JPH3: variants seen among roughly 807,000 people sequenced by gnomAD.
JPH3 encodes the protein junctophilin-3.
A neutral mutation model predicts 59.6 loss-of-function variants in JPH3; 11 were observed. That is an observed-to-expected ratio of 0.18 (90% CI 0.12 to 0.31). The LOEUF is 0.31. Among genes scored for constraint, JPH3 ranks in the 10% least tolerant of loss-of-function variants. The pLI is 1.00. For synonymous variants in JPH3, 673 were observed against 483.6 expected, an observed-to-expected ratio of 1.39 and a Z score of -5.14; for missense variants, 1,202 against 1,105.7, an observed-to-expected ratio of 1.09 and a Z score of -1.24.
Position 87,644,456 on chromosome 16 carries a change from G to C in JPH3, c.581G>C (p.Gly194Ala). The change falls in exon 2 of 5, where the codon GGG (glycine) becomes GCG (alanine). Residue 194 changes from glycine (G) to alanine (A), a missense_variant. By Grantham distance (60) the Gly-to-Ala change is moderately conservative (BLOSUM62 0). Coordinates refer to ENST00000284262, the MANE Select transcript of JPH3 (RefSeq NM_020655.4). ...GCCGGCAGCCCGGCCGTGTCCCGCG[G>C]GGGCTTCGTGCTCGTGGCCCACAGT... ...AVAGSPAVSR[G>A]GFVLVAHSDS... 1 of 1,612,664 alleles carries C rather than the reference G, an allele frequency of 6.2e-7. No homozygotes were observed. The highest frequency in any genetic ancestry group is 8.5e-7 in the Non-Finnish European group (1 of 1,179,702).
At chr16:87,604,727 C>T in intron 1 of JPH3, 1 of 1,019,318 alleles carries the variant, frequency 9.8e-7, no homozygotes, top group Non-Finnish European at 1.2e-6. Flanking sequence ...TGGCAGGGGG[C>T]TGGAGAGTAA....
chr16:87,695,281 A>G (rs546960565), intron 4 of JPH3: 46 of 455,758 alleles, frequency 1.0e-4, no homozygotes, highest in South Asian at 7.1e-4. Context: ...TTGAAATTTG[A>G]CCAGAGGCCA....
At chr16:87,621,787 G>C (rs763599591) in intron 1 of JPH3, among the ~76,000 whole-genome samples, 1 of 152,222 alleles carries the variant, frequency 6.6e-6, no homozygotes, top group African/African-American at 2.4e-5. Flanking sequence ...GGAGGGGACA[G>C]TCTAGGGACG....
intron 1 of JPH3, among the ~76,000 whole-genome samples, chr16:87,614,775 CG>C (rs1262950569): frequency 9.1e-6 from 1 of 109,946 alleles, no homozygotes; most frequent in Non-Finnish European, 1.8e-5. Context: ...CCTGCACACA[CG>C]AGGAGCCGCG....
At chr16:87,663,588 C>T (rs1238781729) in intron 2 of JPH3, among the ~76,000 whole-genome samples, 1 of 152,212 alleles carries the variant, frequency 6.6e-6, no homozygotes, top group Non-Finnish European at 1.5e-5. Context: ...CCACTGCCCC[C>T]AGCTGGCCTG....
At chr16:87,642,184 A>G (rs1179274312) in intron 1 of JPH3, among the ~76,000 whole-genome samples, 5 of 145,398 alleles carry the variant, frequency 3.4e-5, no homozygotes, top group African/African-American at 1.3e-4. Context: ...TGAATTCCAC[A>G]CTTAGTTTGG....
chr16:87,634,563 C>T (rs990705201), intron 1 of JPH3, among the ~76,000 whole-genome samples: 3 of 152,242 alleles, frequency 2.0e-5, no homozygotes, highest in Non-Finnish European at 4.4e-5. Flanking sequence ...GCTTCGTCTC[C>T]TCCCAGCCGC....
At position 87,690,480 on chromosome 16, in the gene JPH3, C is replaced by A. The variant is rs1191682967; in HGVS notation, c.2120C>A (p.Ala707Asp). The A allele has an allele frequency of 2.0e-6, 3 of 1,487,882 alleles. No homozygotes were observed. The highest frequency in any genetic ancestry group is 2.7e-6 in the Non-Finnish European group (3 of 1,120,664). The allele number at this position is 1,487,882 out of a possible 1,614,324, so 92.2% of individuals were successfully genotyped here. A position where few individuals can be genotyped will look rare whatever the true frequency, so the allele number is the denominator to read the frequency against. The change falls in exon 4 of 5, where the codon GCT becomes GAT. Residue 707 changes from alanine to aspartate, a missense_variant. By Grantham distance (126) the Ala-to-Asp change is moderately radical. Coordinates refer to ENST00000284262, the MANE Select transcript of JPH3 (RefSeq NM_020655.4). ...FSPPQKSLPV[A>D]LESDEENGDE... ...CCGCCCCAGAAATCCTTGCCTGTCGCTCTAGAGTCCGACGAGGAGAATGGG... is the reference window on the plus strand; with the variant it reads ...CCGCCCCAGAAATCCTTGCCTGTCGATCTAGAGTCCGACGAGGAGAATGGG...
intron 2 of JPH3, among the ~76,000 whole-genome samples, chr16:87,671,252 C>G (rs535717209): frequency 6.6e-6 from 1 of 151,622 alleles, no homozygotes; most frequent in South Asian, 2.1e-4. Flanking sequence ...GCCCCAGAGA[C>G]CAAGCCCCAC....
chr16:87,637,835 T>G (rs947579922), intron 1 of JPH3, among the ~76,000 whole-genome samples: 1 of 151,978 alleles, frequency 6.6e-6, no homozygotes, highest in Non-Finnish European at 1.5e-5. Flanking sequence ...CGAGCTCCAG[T>G]TGGGGGTGTG....
intron 1 of JPH3, among the ~76,000 whole-genome samples, chr16:87,625,148 C>A (rs577814289): frequency 6.6e-6 from 1 of 152,218 alleles, no homozygotes; most frequent in Non-Finnish European, 1.5e-5. Context: ...AGCCAGCACA[C>A]CTGGCCCATG....
At chr16:87,628,677 G>A (rs1186145359) in intron 1 of JPH3, among the ~76,000 whole-genome samples, 1 of 152,222 alleles carries the variant, frequency 6.6e-6, no homozygotes, top group Non-Finnish European at 1.5e-5. Context: ...TCGCGGGGCT[G>A]TGCGAGAATC....
At chr16:87,631,665 C>T (rs1463418826) in intron 1 of JPH3, among the ~76,000 whole-genome samples, 1 of 152,136 alleles carries the variant, frequency 6.6e-6, no homozygotes, top group African/African-American at 2.4e-5. Context: ...TAAATCTTTG[C>T]CCATTTTCCT....
intron 1 of JPH3, among the ~76,000 whole-genome samples, chr16:87,627,181 C>A (rs373395439): frequency 6.6e-6 from 1 of 152,086 alleles, no homozygotes; most frequent in Non-Finnish European, 1.5e-5. Context: ...GCCCTAGAGC[C>A]GTGGCTCAGC....
intron 2 of JPH3, among the ~76,000 whole-genome samples, chr16:87,648,528 C>T (rs554581968): frequency 2.6e-5 from 4 of 152,298 alleles, no homozygotes; most frequent in Admixed American, 2.0e-4. Flanking sequence ...GTGTCCTCCG[C>T]GGAGTGCCGG....
intron 1 of JPH3, among the ~76,000 whole-genome samples, chr16:87,628,711 C>G (rs559385442): frequency 1.3e-5 from 2 of 152,322 alleles, no homozygotes; most frequent in Admixed American, 1.3e-4. Context: ...GTGGAAACCC[C>G]TAGCGTGGCC....
chr16:87,616,053 G>C (rs2030944149), intron 1 of JPH3, among the ~76,000 whole-genome samples: 1 of 152,188 alleles, frequency 6.6e-6, no homozygotes, highest in Non-Finnish European at 1.5e-5. Flanking sequence ...GAGCCCTGTG[G>C]CTGCCGCAGT....
At chr16:87,617,582 A>G (rs1276709005) in intron 1 of JPH3, among the ~76,000 whole-genome samples, 3 of 99,358 alleles carry the variant, frequency 3.0e-5, no homozygotes, top group Non-Finnish European at 5.9e-5. Flanking sequence ...ACCTCTAGGG[A>G]GGGGTGCCTG....
At chr16:87,680,418 C>A (rs1200661526) in intron 2 of JPH3, among the ~76,000 whole-genome samples, 2 of 152,242 alleles carry the variant, frequency 1.3e-5, no homozygotes, top group African/African-American at 4.8e-5. Context: ...CCTGGCTGTG[C>A]TCTGGCCCAG....
Sources: gnomAD v4.1 joint callset for allele counts (sites outside exome capture counted in the v4.1 genomes callset) on GRCh38, gnomAD v4.1.1 for gene constraint, MANE v1.5 for transcripts, NCBI Gene and HGNC (gene_info 2026-07-23, HGNC 2026-07-21) for gene names.